Variants in TTC12 observed in about 807,000 individuals in gnomAD.
TTC12 encodes tetratricopeptide repeat protein 12.
In TTC12, 70 loss-of-function variants were observed where a neutral mutation model predicts 90.1. The ratio of observed to expected loss-of-function variants is 0.78; its 90% confidence interval spans 0.64 to 0.95. The LOEUF is 0.95. Among genes scored for constraint, TTC12 ranks in the 40% least tolerant of loss-of-function variants. The pLI, the probability that TTC12 is intolerant of heterozygous loss-of-function variation, is 0.00. For missense variants in TTC12, 819 were observed against 846.1 expected (o/e 0.97, Z 0.40); for synonymous variants, 296 against 311.5 (o/e 0.95, Z 0.53).
chr11:113,353,887 A>G (rs1463696310), intron 16 of TTC12, among the ~76,000 whole-genome samples: 2 of 152,196 alleles, frequency 1.3e-5, no homozygotes, highest in Non-Finnish European at 2.9e-5. Context: ...GTTTGAAGTC[A>G]GGTAACGTGA....
At position 113,324,648 on chromosome 11, in the gene TTC12, C is replaced by T; in HGVS notation, c.288C>T (p.Ala96=). 6.2e-7 allele frequency: 1 copy of T among 1,613,828 alleles called. No individual in the cohort carries two copies. The highest frequency in any genetic ancestry group is 8.5e-7 in the Non-Finnish European group (1 of 1,179,922). Residue 96 remains alanine (A), a synonymous_variant, in exon 5 of 22, where the codon GCC becomes GCT. Transcript: ENST00000529221. ...ASVEKDAKER[A]KRRRENKVLA... ...TGGAGAAGGATGCAAAGGAACGAGC[C>T]AAGAGAAGAAGGGAAAACAAAGTCT...
chr11:113,328,101 C>G (rs1222307327), intron 6 of TTC12, among the ~76,000 whole-genome samples: 1 of 152,174 alleles, frequency 6.6e-6, no homozygotes, highest in Middle Eastern at 3.2e-3. Flanking sequence ...CAGTTTTGAT[C>G]ATGGACAATC....
In TTC12 at chr11:113,323,302, G is replaced by A. The variant is rs370101341; in HGVS notation, c.73G>A (p.Glu25Lys). 1.9e-6 allele frequency: 3 copies of A among 1,600,742 alleles called. No individual in the cohort carries two copies. The highest frequency in any genetic ancestry group is 1.7e-4 in the Middle Eastern group (1 of 5,992). Residue 25 changes from glutamate to lysine, a missense_variant, in exon 3 of 22, where the codon GAG (glutamate) becomes AAG (lysine). Coordinates refer to ENST00000529221, the MANE Select transcript of TTC12 (RefSeq NM_017868.4). ...TTCTTCTCTAGCCAATTTAATTCAG[G>A]AGATGAATTCTGATGACCCAGTTGT... Reference protein sequence around the residue: ...NVDEISNLIQEMNSDDPVVQQ... With the variant: ...NVDEISNLIQKMNSDDPVVQQ...
chr11:113,340,457 C>T (rs1948618776), intron 10 of TTC12, among the ~76,000 whole-genome samples: 1 of 152,228 alleles, frequency 6.6e-6, no homozygotes, highest in African/African-American at 2.4e-5. Flanking sequence ...AGTCCCTCCG[C>T]CTGAGAGGCA....
Position 113,316,323 on chromosome 11 carries a change from CT to C in TTC12, c.58+9del. On this transcript the variant is annotated intron_variant, in intron 2 of 21. Coordinates refer to ENST00000529221, the MANE Select transcript of TTC12 (RefSeq NM_017868.4). Reference sequence around the variant, plus strand: ...AAAATGTGGATGAAATCTGTAAGTACTAGTAAATCATAAATTAATTTCTGCT... The same window carrying C: ...AAAATGTGGATGAAATCTGTAAGTACAGTAAATCATAAATTAATTTCTGCT... 1 of 1,348,444 alleles carries C rather than the reference CT, an allele frequency of 7.4e-7. No individual in the cohort carries two copies. Among genetic ancestry groups the C allele is most frequent in the Non-Finnish European group, 9.9e-7 (1 of 1,008,324 alleles). The allele number at this position is 1,348,444 out of a possible 1,614,324, so 83.5% of individuals were successfully genotyped here. A position where few individuals can be genotyped will look rare whatever the true frequency, so the allele number is the denominator to read the frequency against.
At chr11:113,347,589 T>C (rs1428374745) in intron 13 of TTC12, among the ~76,000 whole-genome samples, 3 of 152,196 alleles carry the variant, frequency 2.0e-5, no homozygotes, top group Non-Finnish European at 2.9e-5. Context: ...TGCCCCGTAC[T>C]ATTCTGGGGC....
chr11:113,332,282 A>G (rs1948108971), intron 7 of TTC12, among the ~76,000 whole-genome samples: 1 of 152,228 alleles, frequency 6.6e-6, no homozygotes, highest in African/African-American at 2.4e-5. Context: ...ACACATGATC[A>G]AAGGAGAGTG....
chr11:113,333,503 C>A (rs1034543596), intron 7 of TTC12, among the ~76,000 whole-genome samples: 12 of 151,962 alleles, frequency 7.9e-5, no homozygotes, highest in Non-Finnish European at 1.8e-4. Flanking sequence ...ATTTTTAAAC[C>A]CTTGAGAGTT....
intron 7 of TTC12, among the ~76,000 whole-genome samples, chr11:113,332,071 G>T (rs1438714538): frequency 6.6e-6 from 1 of 152,194 alleles, no homozygotes; most frequent in Non-Finnish European, 1.5e-5. Flanking sequence ...TAAATTGGTA[G>T]AGACAAGCTT....
chr11:113,346,751 G>GA (rs58619294), intron 13 of TTC12, among the ~76,000 whole-genome samples: 2,048 of 57,430 alleles, frequency 0.036, 36 homozygotes, highest in African/African-American at 0.077. Flanking sequence ...ATCTGCTACA[G>GA]AAAAAAAAAA....
At chr11:113,340,997 A>G (rs978849933) in intron 11 of TTC12, among the ~76,000 whole-genome samples, 6 of 152,224 alleles carry the variant, frequency 3.9e-5, no homozygotes, top group African/African-American at 1.4e-4. Context: ...TGGGAGGTCA[A>G]GGCGGGCGGA....
At chr11:113,328,288 C>T (rs782012900) in intron 6 of TTC12, among the ~76,000 whole-genome samples, 1 of 152,190 alleles carries the variant, frequency 6.6e-6, no homozygotes, top group African/African-American at 2.4e-5. Context: ...CTTTATTGAC[C>T]ACTTACTGTG....
intron 7 of TTC12, among the ~76,000 whole-genome samples, chr11:113,333,864 T>C (rs192533500): frequency 3.9e-5 from 6 of 152,350 alleles, no homozygotes; most frequent in African/African-American, 1.4e-4. Flanking sequence ...TATTGCTCTT[T>C]TATTAAATTT....
At position 113,341,639 on chromosome 11, in the gene TTC12, C is replaced by T. The variant is rs1948693719; in HGVS notation, c.897-198C>T. ...CTCACTGCCCAGCCTCTGTGCAGCCCTGGCTTCCTCAGTCTGCATCCGTGG... is the reference window on the plus strand; with the variant it reads ...CTCACTGCCCAGCCTCTGTGCAGCCTTGGCTTCCTCAGTCTGCATCCGTGG... On this transcript the variant is annotated intron_variant, in intron 11 of 21. Coordinates refer to ENST00000529221, the MANE Select transcript of TTC12 (RefSeq NM_017868.4). 7 of 574,842 alleles carry T rather than the reference C, an allele frequency of 1.2e-5. No individual in the cohort carries two copies. The Admixed American group carries it at 1.6e-4, about 13-fold the overall frequency. 35.6% of individuals were successfully genotyped at this position (574,842 alleles called of 1,614,324 possible).
intron 7 of TTC12, among the ~76,000 whole-genome samples, chr11:113,333,233 C>T (rs782520117): frequency 1.3e-5 from 2 of 152,076 alleles, no homozygotes; most frequent in Non-Finnish European, 2.9e-5. Flanking sequence ...CACCCTGCAC[C>T]TGCCCCTCGA....
At chr11:113,365,138 C>A in intron 21 of TTC12, 78 bp downstream of exon 21, 1 of 1,301,154 alleles carries the variant, frequency 7.7e-7, no homozygotes, top group Non-Finnish European at 1.1e-6. Flanking sequence ...TTGGCTGGGA[C>A]TGCATGCCAC....
chr11:113,358,174 C>T (rs561086000), intron 16 of TTC12, among the ~76,000 whole-genome samples: 7 of 152,274 alleles, frequency 4.6e-5, no homozygotes, highest in African/African-American at 1.7e-4. Context: ...AGGGGTGGGG[C>T]TAGCTGTGCC....
At chr11:113,338,737 C>T in intron 8 of TTC12, 37 bp from the exon 9 acceptor site, 1 of 1,561,048 alleles carries the variant, frequency 6.4e-7, no homozygotes, top group African/African-American at 1.4e-5. Context: ...TCACCTTTAC[C>T]CCAACCACTC....
At chr11:113,324,075 T>C (rs1226772890) in intron 4 of TTC12, 60 bp downstream of exon 4, 3 of 1,391,806 alleles carry the variant, frequency 2.2e-6, no homozygotes, top group South Asian at 1.2e-5. Flanking sequence ...TTTTGATTGA[T>C]TGTAGCTCCC....
Sources: allele counts gnomAD v4.1 joint callset (sites outside exome capture counted in the v4.1 genomes callset), GRCh38; gene constraint gnomAD v4.1.1; transcripts MANE v1.5; gene names NCBI Gene and HGNC (gene_info 2026-07-23, HGNC 2026-07-21).